NUBPL: variants seen among roughly 807,000 people sequenced by gnomAD.
The protein encoded by NUBPL is NUBP iron-sulfur cluster assembly factor, mitochondrial, also known as iron-sulfur cluster transfer protein NUBPL.
A neutral mutation model predicts 45.7 loss-of-function variants in NUBPL; 31 were observed. The observed-to-expected ratio is 0.68, with a 90% CI of 0.51 to 0.92. NUBPL has a LOEUF of 0.92. Among genes scored for constraint, NUBPL ranks in the 40% least tolerant of loss-of-function variants. The pLI is 0.00. For synonymous variants in NUBPL, 144 were observed against 140.9 expected (o/e 1.02, Z -0.15); for missense variants, 401 against 398.7 (o/e 1.01, Z -0.05).
chr14:31,645,522 GGTTGACTT>G (rs2035824147), intron 4 of NUBPL, among the ~76,000 whole-genome samples: 1 of 151,920 alleles, frequency 6.6e-6, no homozygotes, highest in Non-Finnish European at 1.5e-5. Context: ...CTTATTTTTT[GGTTGACTT>G]GTAACTCCTC....
intron 8 of NUBPL, chr14:31,844,221 C>T (rs1380868588): frequency 1.3e-5 from 2 of 152,166 alleles, no homozygotes; most frequent in East Asian, 3.8e-4. Context: ...AATGTTTTTC[C>T]TGTTCTCTCT....
intron 3 of NUBPL, among the ~76,000 whole-genome samples, chr14:31,594,534 T>C (rs374038181): frequency 6.6e-6 from 1 of 151,998 alleles, no homozygotes; most frequent in African/African-American, 2.4e-5. Context: ...TCCTCTCAGG[T>C]TGTGTTCCAA....
At chr14:31,815,675 T>G (rs111672745) in intron 7 of NUBPL, among the ~76,000 whole-genome samples, 11,208 of 152,236 alleles carry the variant, frequency 0.074, 470 homozygotes, top group Non-Finnish European at 0.092. Flanking sequence ...TGTCGGTTTG[T>G]GATAAATAGC....
intron 6 of NUBPL, among the ~76,000 whole-genome samples, chr14:31,745,821 C>T (rs940349752): frequency 5.3e-5 from 8 of 151,856 alleles, no homozygotes; most frequent in East Asian, 3.9e-4. Flanking sequence ...GAAAACAGGA[C>T]GGGAAGTTGA....
intron 4 of NUBPL, among the ~76,000 whole-genome samples, chr14:31,613,940 A>G (rs1005961655): frequency 1.4e-4 from 21 of 150,816 alleles, no homozygotes; most frequent in African/African-American, 5.1e-4. Context: ...AATAAGAGAT[A>G]TATATATATA....
At chr14:31,640,833 C>A (rs531296440) in intron 4 of NUBPL, among the ~76,000 whole-genome samples, 2 of 152,130 alleles carry the variant, frequency 1.3e-5, no homozygotes, top group Admixed American at 6.5e-5. Flanking sequence ...AAATCCATTT[C>A]TTTATGCTAA....
chr14:31,710,310 C>G (rs1409177880), intron 6 of NUBPL, among the ~76,000 whole-genome samples: 1 of 152,076 alleles, frequency 6.6e-6, no homozygotes, highest in Non-Finnish European at 1.5e-5. Context: ...GTCCCTGGAC[C>G]CTGCTGATTG....
intron 10 of NUBPL, among the ~76,000 whole-genome samples, chr14:31,853,404 C>T (rs373416649): frequency 3.3e-5 from 5 of 152,238 alleles, no homozygotes; most frequent in Admixed American, 2.0e-4. Flanking sequence ...CTCATAGGCA[C>T]GATTATAAAT....
intron 9 of NUBPL, 77 bp from the exon 10 acceptor site, chr14:31,850,042 C>T: frequency 9.3e-7 from 1 of 1,071,662 alleles, no homozygotes; most frequent in Non-Finnish European, 1.4e-6. Context: ...TGTTTCTTTC[C>T]ATAGTTCAAA....
chr14:31,703,338 T>C (rs2037378933), intron 6 of NUBPL, among the ~76,000 whole-genome samples: 1 of 152,170 alleles, frequency 6.6e-6, no homozygotes, highest in Non-Finnish European at 1.5e-5. Flanking sequence ...GCACACACAG[T>C]GTGTTTGGGA....
chr14:31,786,195 T>C (rs1425668097), intron 6 of NUBPL, among the ~76,000 whole-genome samples: 2 of 152,092 alleles, frequency 1.3e-5, no homozygotes, highest in Non-Finnish European at 2.9e-5. Flanking sequence ...AAAGCATGAT[T>C]ATATGGAAAG....
intron 8 of NUBPL, 41 bp downstream of exon 8, chr14:31,826,755 T>C (rs987007786): frequency 6.5e-7 from 1 of 1,543,854 alleles, no homozygotes; most frequent in African/African-American, 1.4e-5. Context: ...ATAAAACTCT[T>C]CTAACTGAAG....
intron 8 of NUBPL, among the ~76,000 whole-genome samples, chr14:31,842,131 G>A (rs539599758): frequency 2.6e-4 from 40 of 151,366 alleles, no homozygotes; most frequent in African/African-American, 4.6e-4. Context: ...GGGTTTCACC[G>A]TGTTAGCCAG....
chr14:31,636,654 CAGA>C (rs1186134295), intron 4 of NUBPL, among the ~76,000 whole-genome samples: 1 of 152,176 alleles, frequency 6.6e-6, no homozygotes, highest in Non-Finnish European at 1.5e-5. Flanking sequence ...GGAATAGTTT[CAGA>C]AGGAATGGTA....
intron 4 of NUBPL, among the ~76,000 whole-genome samples, chr14:31,601,044 G>A (rs1283883228): frequency 2.6e-5 from 4 of 152,040 alleles, no homozygotes; most frequent in Non-Finnish European, 5.9e-5. Context: ...TCTCAGGTTT[G>A]TCAAAGATCA....
chr14:31,600,630 G>A (rs534853514), intron 4 of NUBPL, among the ~76,000 whole-genome samples: 1 of 152,358 alleles, frequency 6.6e-6, no homozygotes, highest in Non-Finnish European at 1.5e-5. Context: ...TCAGAAAGCA[G>A]ACATGATAGA....
At chr14:31,842,481 T>C (rs2040392356) in intron 8 of NUBPL, among the ~76,000 whole-genome samples, 1 of 152,138 alleles carries the variant, frequency 6.6e-6, no homozygotes, top group Non-Finnish European at 1.5e-5. Flanking sequence ...TCCAAACTTT[T>C]TTTTTCCTTT....
intron 4 of NUBPL, among the ~76,000 whole-genome samples, chr14:31,658,190 T>C (rs375798670): frequency 6.6e-6 from 1 of 152,252 alleles, no homozygotes; most frequent in Non-Finnish European, 1.5e-5. Flanking sequence ...GTGTGTTATC[T>C]ATTAATCTCA....
chr14:31,588,834 G>A lies in NUBPL; in HGVS notation c.292-10455G>A, dbSNP rs561538757. On this transcript the variant is annotated intron_variant, in intron 3 of 10. Coordinates refer to ENST00000281081, the MANE Select transcript of NUBPL (RefSeq NM_025152.3). ...CTTGGGAGGTTGAGGCAGAAGAATT[G>A]CTTGAACCCAGGAGGTGGAGGTTGC... Among the ~76,000 whole-genome samples, 413 of 150,182 alleles carry A rather than the reference G, an allele frequency of 2.7e-3. 2 individuals carry two copies. Among genetic ancestry groups the A allele is most frequent in the African/African-American group, 9.3e-3 (382 of 41,000 alleles).
Sources: allele counts gnomAD v4.1 joint callset (sites outside exome capture counted in the v4.1 genomes callset), GRCh38; gene constraint gnomAD v4.1.1; transcripts MANE v1.5; gene names NCBI Gene and HGNC (gene_info 2026-07-23, HGNC 2026-07-21).